Variants in SSBP2 observed in about 807,000 individuals in gnomAD.
The protein encoded by SSBP2 is single stranded DNA binding protein 2.
A neutral mutation model predicts 61.8 loss-of-function variants in SSBP2; 17 were observed. The observed-to-expected ratio is 0.28, with a 90% CI of 0.19 to 0.41. SSBP2 has a LOEUF of 0.41. Ranked by LOEUF, SSBP2 falls within the 10% of genes least tolerant of loss-of-function variation. The pLI is 1.00. For missense variants in SSBP2, 310 were observed against 458.7 expected (o/e 0.68, Z 2.96); for synonymous variants, 139 against 141.3 (o/e 0.98, Z 0.12).
At chr5:81,472,145 A>G (rs1765288376) in intron 8 of SSBP2, among the ~76,000 whole-genome samples, 1 of 152,198 alleles carries the variant, frequency 6.6e-6, no homozygotes, top group African/African-American at 2.4e-5. Flanking sequence ...TCATTCTTTT[A>G]ACCAGCTTTA....
chr5:81,459,808 G>A (rs951967612), intron 10 of SSBP2, among the ~76,000 whole-genome samples: 1 of 152,294 alleles, frequency 6.6e-6, no homozygotes, highest in African/African-American at 2.4e-5. Flanking sequence ...GTAAACTCTT[G>A]TAAAGCATGT....
intron 4 of SSBP2, among the ~76,000 whole-genome samples, 155 bp from the exon 5 acceptor site, chr5:81,513,872 A>G (rs1409465123): frequency 6.6e-6 from 1 of 152,214 alleles, no homozygotes; most frequent in East Asian, 1.9e-4. Context: ...GAGATACAAC[A>G]GTTTAGTATA....
intron 1 of SSBP2, among the ~76,000 whole-genome samples, chr5:81,744,060 G>A (rs1003641597): frequency 6.6e-6 from 1 of 152,130 alleles, no homozygotes; most frequent in Non-Finnish European, 1.5e-5. Flanking sequence ...ATAACATTAA[G>A]AGAAAACAGT....
At chr5:81,729,838 C>T (rs747149098) in intron 1 of SSBP2, among the ~76,000 whole-genome samples, 12 of 148,558 alleles carry the variant, frequency 8.1e-5, no homozygotes, top group Non-Finnish European at 1.8e-4. Context: ...TAGACTTAGA[C>T]ATCTACACTT....
intron 1 of SSBP2, among the ~76,000 whole-genome samples, chr5:81,739,977 A>G (rs962792776): frequency 1.3e-5 from 2 of 152,058 alleles, no homozygotes; most frequent in Non-Finnish European, 2.9e-5. Flanking sequence ...GTCAATGATC[A>G]CTCTTGTCGA....
At chr5:81,739,763 C>T (rs1756883141) in intron 1 of SSBP2, among the ~76,000 whole-genome samples, 1 of 152,054 alleles carries the variant, frequency 6.6e-6, no homozygotes. Flanking sequence ...ATTTTAAATG[C>T]TATTTTGGCA....
chr5:81,441,946 C>T (rs1403414768), intron 13 of SSBP2, among the ~76,000 whole-genome samples: 1 of 152,094 alleles, frequency 6.6e-6, no homozygotes, highest in Non-Finnish European at 1.5e-5. Flanking sequence ...CTGGCTCCTA[C>T]AGTGTTTTAA....
At chr5:81,529,685 T>C (rs995158441) in intron 4 of SSBP2, among the ~76,000 whole-genome samples, 1 of 152,080 alleles carries the variant, frequency 6.6e-6, no homozygotes, top group African/African-American at 2.4e-5. Flanking sequence ...TAAAAAACAA[T>C]TCAGATTAGA....
At chr5:81,463,865 C>T (rs990734772) in intron 9 of SSBP2, among the ~76,000 whole-genome samples, 1 of 149,590 alleles carries the variant, frequency 6.7e-6, no homozygotes, top group Non-Finnish European at 1.5e-5. Context: ...ACCTCCCGGG[C>T]TCAAGCCATT....
chr5:81,553,265 G>T (rs2972229), intron 4 of SSBP2, among the ~76,000 whole-genome samples: 12,204 of 152,186 alleles, frequency 0.08, 678 homozygotes, highest in Non-Finnish European at 0.12. Flanking sequence ...TACCTTTTAT[G>T]TTTTATTTTC....
intron 8 of SSBP2, among the ~76,000 whole-genome samples, chr5:81,470,283 T>C (rs114269203): frequency 0.019 from 2,724 of 140,784 alleles, 46 homozygotes; most frequent in South Asian, 0.099. Context: ...CAAAACCAAG[T>C]AGAAAACTGG....
chr5:81,662,036 T>A (rs1750738038), intron 1 of SSBP2, among the ~76,000 whole-genome samples: 1 of 152,182 alleles, frequency 6.6e-6, no homozygotes, highest in South Asian at 2.1e-4. Context: ...GAGATGAGGG[T>A]CTAATTTCAT....
intron 1 of SSBP2, among the ~76,000 whole-genome samples, chr5:81,694,990 A>T (rs1277532459): frequency 6.6e-6 from 1 of 152,088 alleles, no homozygotes; most frequent in Admixed American, 6.6e-5. Context: ...ACAGAGCAAG[A>T]CTCTGCCTCT....
At chr5:81,465,747 A>C (rs1764847936) in intron 9 of SSBP2, among the ~76,000 whole-genome samples, 1 of 152,076 alleles carries the variant, frequency 6.6e-6, no homozygotes, top group Non-Finnish European at 1.5e-5. Context: ...TGACATAATA[A>C]GCAGAAAATG....
In SSBP2 at chr5:81,679,113, G is replaced by A. The variant is rs573855957; in HGVS notation, c.63-28774C>T. Among the ~76,000 whole-genome samples, 53 of 152,286 alleles carry A rather than the reference G, an allele frequency of 3.5e-4. No individual in the cohort carries two copies. The South Asian group carries it at 7.5e-3, about 21-fold the overall frequency. On this transcript the variant is annotated intron_variant, in intron 1 of 16. Transcript: ENST00000320672. ...CAGCCTCTGCCTCCCAGGTTCAAGC[G>A]ATTCTCTGCCTCACCTTCCAGAGTA...
intron 4 of SSBP2, among the ~76,000 whole-genome samples, chr5:81,588,017 T>G (rs758871400): frequency 2.0e-5 from 3 of 152,076 alleles, no homozygotes; most frequent in Non-Finnish European, 4.4e-5. Context: ...CAGGCTGGAG[T>G]GCAGTGGCAC....
chr5:81,476,998 A>ATGTGTG lies in SSBP2; in HGVS notation c.433-2442_433-2437dup, dbSNP rs760728020. Among the ~76,000 whole-genome samples the ATGTGTG allele has an allele frequency of 2.0e-5, 3 of 150,700 alleles. No individual in the cohort carries two copies. The Admixed American group carries it at 2.0e-4, about 10-fold the overall frequency. On this transcript the variant is annotated intron_variant, in intron 6 of 16. Transcript: ENST00000320672. ...GAGAAGCCTTCAGGTGTGTGTGTGT[A>ATGTGTG]TGTGTGTGTGTGTGTATGTGTGTTG...
At chr5:81,731,442 T>C (rs956367234) in intron 1 of SSBP2, among the ~76,000 whole-genome samples, 3 of 152,016 alleles carry the variant, frequency 2.0e-5, no homozygotes, top group African/African-American at 7.2e-5. Flanking sequence ...TATGGAAAAA[T>C]ATCTTTACTT....
chr5:81,499,415 C>CCT (rs1187940006), intron 5 of SSBP2, among the ~76,000 whole-genome samples: 13 of 152,150 alleles, frequency 8.5e-5, no homozygotes, highest in African/African-American at 2.9e-4. Context: ...GTCTTCATTA[C>CCT]CAGGTACTCA....
Sources: gnomAD v4.1 joint callset for allele counts (sites outside exome capture counted in the v4.1 genomes callset) on GRCh38, gnomAD v4.1.1 for gene constraint, MANE v1.5 for transcripts, NCBI Gene and HGNC (gene_info 2026-07-23, HGNC 2026-07-21) for gene names.